The following ADCY2 variants were observed in gnomAD, a reference collection of about 807,000 sequenced individuals.
ADCY2 encodes adenylate cyclase 2.
A neutral mutation model predicts 125.2 loss-of-function variants in ADCY2; 31 were observed. That is an observed-to-expected ratio of 0.25 (90% confidence interval 0.19 to 0.33). The LOEUF (loss-of-function observed/expected upper bound fraction) is 0.33, where lower values mean the gene tolerates loss of function less well. Ranked by LOEUF, ADCY2 falls within the 10% of genes least tolerant of loss-of-function variation. ADCY2 has a pLI of 1.00. For synonymous variants in ADCY2, 512 were observed against 548.4 expected, an observed-to-expected ratio of 0.93 and a Z score of 0.93; for missense variants, 904 against 1,418.2, an observed-to-expected ratio of 0.64 and a Z score of 5.82.
chr5:7,431,708 T>C (rs1257117486), intron 2 of ADCY2, among the ~76,000 whole-genome samples: 1 of 152,170 alleles, frequency 6.6e-6, no homozygotes, highest in East Asian at 1.9e-4. Flanking sequence ...ACTTAGGATA[T>C]ATAGAGCAGA....
intron 19 of ADCY2, 122 bp downstream of exon 19, chr5:7,784,571 A>G (rs1254341798): frequency 9.0e-6 from 6 of 664,682 alleles, no homozygotes; most frequent in African/African-American, 7.4e-5. Context: ...GAATCATCTT[A>G]TCACTGAAGA....
intron 3 of ADCY2, among the ~76,000 whole-genome samples, chr5:7,543,650 C>A (rs1478116499): frequency 5.3e-5 from 8 of 152,044 alleles, no homozygotes; most frequent in Admixed American, 2.6e-4. Flanking sequence ...AGGTGCATAT[C>A]ATCTTAGATC....
chr5:7,452,900 C>G (rs1208389167), intron 2 of ADCY2, among the ~76,000 whole-genome samples: 4 of 152,054 alleles, frequency 2.6e-5, no homozygotes, highest in Non-Finnish European at 5.9e-5. Context: ...TGTGTATCTT[C>G]TTTTGAGAAA....
At chr5:7,489,134 A>G (rs570217567) in intron 2 of ADCY2, among the ~76,000 whole-genome samples, 14 of 152,270 alleles carry the variant, frequency 9.2e-5, no homozygotes, top group East Asian at 7.7e-4. Flanking sequence ...ACTGTGAAAC[A>G]TGCGTCTTGG....
intron 16 of ADCY2, among the ~76,000 whole-genome samples, chr5:7,760,244 T>C (rs1560958119): frequency 6.6e-6 from 1 of 152,250 alleles, no homozygotes; most frequent in Non-Finnish European, 1.5e-5. Context: ...AACCTGCATT[T>C]ATGCATTAGT....
chr5:7,714,278 T>C (rs1741528766), intron 11 of ADCY2, among the ~76,000 whole-genome samples: 1 of 152,178 alleles, frequency 6.6e-6, no homozygotes, highest in Non-Finnish European at 1.5e-5. Flanking sequence ...TCCTTTCACT[T>C]TATATTCATA....
rs528649901 is a variant in ADCY2, at chr5:7,445,039, A to G, written c.408+30269A>G. Reference sequence around the variant, plus strand: ...GTTGCAAAGATTTTCCCCAGTTTTTACCTTGTCTTTTGCATTTTGGTGTGA... The same window carrying G: ...GTTGCAAAGATTTTCCCCAGTTTTTGCCTTGTCTTTTGCATTTTGGTGTGA... On this transcript the variant is annotated intron_variant, in intron 2 of 24. Transcript: ENST00000338316. Among the ~76,000 whole-genome samples, 112 of 152,066 alleles carry G rather than the reference A, an allele frequency of 7.4e-4. No homozygotes were observed. In the South Asian group the frequency reaches 1.0e-2, roughly 14 times the overall value.
Position 7,804,648 on chromosome 5 carries a change from G to A in ADCY2, c.2839G>A (p.Ala947Thr). Residue 947 changes from alanine to threonine, a missense_variant, in exon 22 of 25, where the codon GCA becomes ACA. Physicochemically the swap from Ala to Thr is moderately conservative, Grantham distance 58. Coordinates refer to ENST00000338316, the MANE Select transcript of ADCY2 (RefSeq NM_020546.3). ...KIKTIGSTYM[A>T]ATGLSAVPSQ... Reference sequence around the variant, plus strand: ...TAAGACCATTGGCAGCACATACATGGCAGCAACAGGTCTGAGCGCTGTGCC... The same window carrying A: ...TAAGACCATTGGCAGCACATACATGACAGCAACAGGTCTGAGCGCTGTGCC... 1 of 1,614,172 alleles carries A rather than the reference G, an allele frequency of 6.2e-7. No homozygotes were observed. Among genetic ancestry groups the A allele is most frequent in the Non-Finnish European group, 8.5e-7 (1 of 1,180,026 alleles).
intron 2 of ADCY2, among the ~76,000 whole-genome samples, chr5:7,504,834 TTATTTTTTAAAGTA>T (rs1743744785): frequency 6.6e-6 from 1 of 151,322 alleles, no homozygotes; most frequent in Non-Finnish European, 1.5e-5. Context: ...ATTATTATTA[TTATTTTTTAAAGTA>T]TACTACTGCA....
chr5:7,773,819 C>T (rs952421053), intron 18 of ADCY2, among the ~76,000 whole-genome samples: 14 of 152,104 alleles, frequency 9.2e-5, no homozygotes, highest in African/African-American at 2.9e-4. Flanking sequence ...GGTTTATAAC[C>T]GGTTTCCTGT....
At chr5:7,642,202 T>C (rs896837749) in intron 4 of ADCY2, among the ~76,000 whole-genome samples, 2 of 152,196 alleles carry the variant, frequency 1.3e-5, no homozygotes, top group African/African-American at 4.8e-5. Context: ...TTTGACTGTT[T>C]TAATACTAGT....
intron 3 of ADCY2, among the ~76,000 whole-genome samples, chr5:7,578,145 A>G (rs962541865): frequency 6.6e-6 from 1 of 152,236 alleles, no homozygotes; most frequent in Non-Finnish European, 1.5e-5. Context: ...TGCAAAATTT[A>G]TATGAACATA....
intron 23 of ADCY2, 56 bp downstream of exon 23, chr5:7,817,036 A>G: frequency 7.4e-7 from 1 of 1,350,548 alleles, no homozygotes; most frequent in Non-Finnish European, 1.1e-6. Flanking sequence ...TGGAATAAGG[A>G]GTAAGTCAGG....
At chr5:7,508,550 A>G (rs896600117) in intron 2 of ADCY2, among the ~76,000 whole-genome samples, 2 of 152,154 alleles carry the variant, frequency 1.3e-5, no homozygotes, top group African/African-American at 4.8e-5. Context: ...CAGAGCTCCA[A>G]GAGGGCTGGC....
chr5:7,680,313 G>A (rs886208978), intron 4 of ADCY2, among the ~76,000 whole-genome samples: 8 of 152,176 alleles, frequency 5.3e-5, no homozygotes, highest in South Asian at 2.1e-4. Flanking sequence ...CAGTTTGCAC[G>A]TCAGCCCCCC....
chr5:7,488,831 C>T (rs368887109), intron 2 of ADCY2, among the ~76,000 whole-genome samples: 1 of 152,098 alleles, frequency 6.6e-6, no homozygotes, highest in African/African-American at 2.4e-5. Context: ...CAGCCCACAA[C>T]ACCAAGATTC....
chr5:7,624,388 T>C (rs950000424), intron 3 of ADCY2, among the ~76,000 whole-genome samples: 7 of 152,214 alleles, frequency 4.6e-5, no homozygotes, highest in South Asian at 4.1e-4. Flanking sequence ...TTTACCCATC[T>C]TTCCCTACAG....
At chr5:7,601,207 A>G (rs2126635518) in intron 3 of ADCY2, among the ~76,000 whole-genome samples, 1 of 152,216 alleles carries the variant, frequency 6.6e-6, no homozygotes, top group Middle Eastern at 3.4e-3. Flanking sequence ...GAGTTCCCTC[A>G]TTGTCCCTCA....
At chr5:7,762,929 T>C (rs1050199102) in intron 16 of ADCY2, among the ~76,000 whole-genome samples, 1 of 152,150 alleles carries the variant, frequency 6.6e-6, no homozygotes, top group African/African-American at 2.4e-5. Flanking sequence ...TTTAATTTGC[T>C]CTCAGAAAAC....
Sources: allele counts gnomAD v4.1 joint callset (sites outside exome capture counted in the v4.1 genomes callset), GRCh38; gene constraint gnomAD v4.1.1; transcripts MANE v1.5; gene names NCBI Gene and HGNC (gene_info 2026-07-23, HGNC 2026-07-21).